Variants in PELI1 observed in about 807,000 individuals in gnomAD.
The protein encoded by PELI1 is pellino E3 ubiquitin protein ligase 1.
A neutral mutation model predicts 41.3 loss-of-function variants in PELI1; 15 were observed. The ratio of observed to expected loss-of-function variants is 0.36; its 90% CI spans 0.24 to 0.56. PELI1 has a LOEUF of 0.56. Among genes scored for constraint, PELI1 ranks in the 20% least tolerant of loss-of-function variants. The pLI is 0.82. For synonymous variants in PELI1, 178 were observed against 180.1 expected, an observed-to-expected ratio of 0.99 and a Z score of 0.09; for missense variants, 403 against 525.5, an observed-to-expected ratio of 0.77 and a Z score of 2.28.
At chr2:64,110,658 C>G (rs115186773) in intron 1 of PELI1, among the ~76,000 whole-genome samples, 1 of 152,058 alleles carries the variant, frequency 6.6e-6, no homozygotes, top group Non-Finnish European at 1.5e-5. Context: ...AGATGTAGTT[C>G]TAAATGTGTG....
At chr2:64,116,188 C>A (rs1384487010) in intron 1 of PELI1, among the ~76,000 whole-genome samples, 1 of 152,136 alleles carries the variant, frequency 6.6e-6, no homozygotes, top group African/African-American at 2.4e-5. Context: ...AGTCTTGCAA[C>A]CTTACCCACA....
intron 1 of PELI1, among the ~76,000 whole-genome samples, chr2:64,127,375 C>CA (rs1483315642): frequency 5.9e-5 from 9 of 152,076 alleles, no homozygotes; most frequent in African/African-American, 1.4e-4. Context: ...CTTGTCTCTA[C>CA]AAAAAATGTA....
At chr2:64,114,658 T>C (rs1464121740) in intron 1 of PELI1, among the ~76,000 whole-genome samples, 3 of 152,220 alleles carry the variant, frequency 2.0e-5, no homozygotes, top group African/African-American at 4.8e-5. Flanking sequence ...AGGGACAGTA[T>C]TTGTTCCTTT....
intron 2 of PELI1, chr2:64,106,093 C>T (rs1680611891): frequency 6.6e-6 from 1 of 152,182 alleles, no homozygotes; most frequent in African/African-American, 2.4e-5. Context: ...AAAGTACAGC[C>T]CCTTAGCTAA....
chr2:64,107,750 T>A (rs185549547), intron 2 of PELI1, among the ~76,000 whole-genome samples: 477 of 152,184 alleles, frequency 3.1e-3, no homozygotes, highest in African/African-American at 9.8e-3. Flanking sequence ...CGATCTCAGC[T>A]CACTGCAACC....
intron 1 of PELI1, among the ~76,000 whole-genome samples, chr2:64,138,449 C>T (rs924394252): frequency 1.3e-5 from 2 of 152,134 alleles, no homozygotes; most frequent in African/African-American, 4.8e-5. Context: ...GCATCTTGGC[C>T]AGGTGTGGTG....
In PELI1 at chr2:64,130,086, TG is replaced by T; in HGVS notation, c.-70+13994del. On this transcript the variant is annotated intron_variant, in intron 1 of 6. Transcript: ENST00000358912. Reference sequence around the variant, plus strand: ...TTTGATTTTGAGATTTTGAATCATGTGTCTTTTGAATCCACCATAATTCCAG... The same window carrying T: ...TTTGATTTTGAGATTTTGAATCATGTTCTTTTGAATCCACCATAATTCCAG... 2.0e-5 allele frequency among the ~76,000 whole-genome samples: 3 copies of T among 152,330 alleles called. No individual in the cohort carries two copies. In the Middle Eastern group the frequency reaches 0.01, roughly 518 times the overall value.
At chr2:64,111,553 C>A (rs1012987020) in intron 1 of PELI1, among the ~76,000 whole-genome samples, 1 of 152,134 alleles carries the variant, frequency 6.6e-6, no homozygotes, top group Admixed American at 6.5e-5. Flanking sequence ...GATTTTAATT[C>A]ATTACGGTAT....
At chr2:64,106,180 CCT>C (rs1480715394) in intron 2 of PELI1, 2 of 152,254 alleles carry the variant, frequency 1.3e-5, no homozygotes, top group Non-Finnish European at 2.9e-5. Flanking sequence ...TCACTACTGT[CCT>C]CTGAGTTGCA....
At chr2:64,139,262 A>G (rs1370813668) in intron 1 of PELI1, among the ~76,000 whole-genome samples, 1 of 152,098 alleles carries the variant, frequency 6.6e-6, no homozygotes, top group Non-Finnish European at 1.5e-5. Context: ...ATTTCTTGCT[A>G]TTAATTTTTT....
Position 64,116,697 on chromosome 2 carries a change from C to A in PELI1, c.-69-8318G>T, listed in dbSNP as rs558132179. 2.6e-5 allele frequency among the ~76,000 whole-genome samples: 4 copies of A among 152,264 alleles called. No homozygotes were observed. The East Asian group carries it at 7.7e-4, about 29-fold the overall frequency. On this transcript the variant is annotated intron_variant, in intron 1 of 6. Coordinates refer to ENST00000358912, the MANE Select transcript of PELI1 (RefSeq NM_020651.4). ...AATGAGCACTCTGGAATTGCTGAAA[C>A]AATTGAGTTTTAAAGTTTTAAAGTA...
intron 1 of PELI1, among the ~76,000 whole-genome samples, chr2:64,124,413 T>A (rs1008283768): frequency 2.0e-5 from 3 of 152,196 alleles, no homozygotes; most frequent in African/African-American, 7.2e-5. Context: ...CACATACCTC[T>A]GGAATTCAAA....
intron 3 of PELI1, among the ~76,000 whole-genome samples, chr2:64,101,039 C>T (rs897664848): frequency 2.0e-5 from 3 of 152,096 alleles, no homozygotes; most frequent in African/African-American, 7.2e-5. Flanking sequence ...CCATAATTTT[C>T]TTTTATCAAA....
At chr2:64,131,297 G>A (rs186897091) in intron 1 of PELI1, among the ~76,000 whole-genome samples, 1 of 151,512 alleles carries the variant, frequency 6.6e-6, no homozygotes, top group African/African-American at 2.4e-5. Context: ...AAAAGTTCTA[G>A]CAATTCATAT....
chr2:64,108,193 A>G, intron 2 of PELI1, 47 bp downstream of exon 2: 1 of 1,035,440 alleles, frequency 9.7e-7, no homozygotes, highest in African/African-American at 1.6e-5. Context: ...TGCCAAAGTT[A>G]GCATATATTA....
chr2:64,104,904 C>T (rs989670975), intron 2 of PELI1, 74 bp from the exon 3 acceptor site: 2 of 1,292,110 alleles, frequency 1.5e-6, no homozygotes, highest in Non-Finnish European at 2.1e-6. Flanking sequence ...TTGACTTTGC[C>T]TTGCAGAATC....
chr2:64,094,867 A>G lies in PELI1; in HGVS notation c.1092T>C (p.Phe364=). ...YVDAGPPTHA[F]SPCGHVCSEK... is the part of the protein sequence containing the mutation. ...CTGAACACACATGCCCACACGGGCT[A>G]AACGCATGGGTTGGAGGGCCGGCGT... is the stretch of plus-strand genomic sequence containing the variant. The change falls in exon 7 of 7, where the codon TTT becomes TTC. Residue 364 remains phenylalanine (F), a synonymous_variant. Transcript: ENST00000358912. The G allele has an allele frequency of 6.2e-7, 1 of 1,614,232 alleles. No homozygotes were observed.
intron 1 of PELI1, among the ~76,000 whole-genome samples, chr2:64,126,338 A>G (rs879674983): frequency 6.6e-5 from 10 of 152,088 alleles, no homozygotes; most frequent in Non-Finnish European, 1.5e-4. Context: ...TAATTTTTGT[A>G]TTTTTAGTAG....
chr2:64,114,209 T>G (rs1680915351), intron 1 of PELI1, among the ~76,000 whole-genome samples: 1 of 152,174 alleles, frequency 6.6e-6, no homozygotes, highest in Non-Finnish European at 1.5e-5. Context: ...TATACTAGAG[T>G]TTCCTTGTGG....
Sources: allele counts gnomAD v4.1 joint callset (sites outside exome capture counted in the v4.1 genomes callset), GRCh38; gene constraint gnomAD v4.1.1; transcripts MANE v1.5; gene names NCBI Gene and HGNC (gene_info 2026-07-23, HGNC 2026-07-21).